Variants in TMEM267 observed in about 807,000 individuals in gnomAD.
TMEM267 encodes the protein transmembrane protein C5orf28.
In TMEM267, 20 loss-of-function variants were observed where a neutral mutation model predicts 19.3. That is an observed-to-expected ratio of 1.04 (90% confidence interval 0.73 to 1.51). The LOEUF (loss-of-function observed/expected upper bound fraction) is 1.51, where lower values mean the gene tolerates loss of function less well. Among genes scored for constraint, TMEM267 ranks in the 40% most tolerant of loss-of-function variants. The pLI is 0.00. For synonymous variants in TMEM267, 88 were observed against 90.3 expected, an observed-to-expected ratio of 0.97 and a Z score of 0.15; for missense variants, 242 against 261.9, an observed-to-expected ratio of 0.92 and a Z score of 0.52.
chr5:43,465,736 T>C (rs1252278416), intron 1 of TMEM267, among the ~76,000 whole-genome samples: 1 of 152,036 alleles, frequency 6.6e-6, no homozygotes, highest in Non-Finnish European at 1.5e-5. Context: ...TTCTCACTCA[T>C]AGGTGGGAAC....
chr5:43,447,341 T>C (rs1046670613), intron 2 of TMEM267, among the ~76,000 whole-genome samples: 2 of 152,078 alleles, frequency 1.3e-5, no homozygotes, highest in Admixed American at 1.3e-4. Context: ...CCACCCACCT[T>C]GGCCTCCCAA....
intron 1 of TMEM267, among the ~76,000 whole-genome samples, chr5:43,473,763 T>G (rs1415409715): frequency 6.6e-6 from 1 of 152,166 alleles, no homozygotes; most frequent in Non-Finnish European, 1.5e-5. Flanking sequence ...AAAACAACTT[T>G]AAATTTCACA....
At chr5:43,456,993 C>T (rs1225869958) in intron 1 of TMEM267, among the ~76,000 whole-genome samples, 7 of 152,044 alleles carry the variant, frequency 4.6e-5, no homozygotes, top group South Asian at 4.1e-4. Context: ...ACTCAAATGT[C>T]CACAAACATG....
intron 2 of TMEM267, among the ~76,000 whole-genome samples, chr5:43,447,996 T>C (rs904376508): frequency 6.6e-6 from 1 of 151,916 alleles, no homozygotes; most frequent in Non-Finnish European, 1.5e-5. Flanking sequence ...GGAAAAGAAG[T>C]AGTAAAAGGA....
chr5:43,475,162 C>T (rs941488846), intron 1 of TMEM267, among the ~76,000 whole-genome samples: 2 of 152,278 alleles, frequency 1.3e-5, no homozygotes, highest in Middle Eastern at 3.4e-3. Flanking sequence ...GAAAATGTGG[C>T]ACATATACAC....
intron 1 of TMEM267, among the ~76,000 whole-genome samples, chr5:43,480,167 C>G (rs1382341479): frequency 6.6e-6 from 1 of 152,122 alleles, no homozygotes; most frequent in African/African-American, 2.4e-5. Flanking sequence ...TATTCCCCTC[C>G]TTCAATAAAG....
intron 1 of TMEM267, among the ~76,000 whole-genome samples, chr5:43,474,518 G>A (rs1321052000): frequency 6.6e-6 from 1 of 152,160 alleles, no homozygotes; most frequent in Non-Finnish European, 1.5e-5. Context: ...CCAGCACTTT[G>A]GGAGGCTGAG....
At position 43,446,192 on chromosome 5, in the gene TMEM267, C is replaced by A. The variant is rs776806383; in HGVS notation, c.*30G>T. 4.4e-6 allele frequency: 6 copies of A among 1,373,562 alleles called. No individual in the cohort carries two copies. The East Asian group carries it at 1.4e-4, about 32-fold the overall frequency. 85.1% of individuals were successfully genotyped at this position (1,373,562 alleles called of 1,614,324 possible). On this transcript the variant is annotated 3_prime_UTR_variant, in exon 3 of 3. Transcript: ENST00000397080. ...CTACTCTTAATTATCATCATCTGAG[C>A]CATTTGCTTCTCTAAGACTGCCGTG... is the stretch of plus-strand genomic sequence containing the variant.
rs1455703702 is a variant in TMEM267 at position 43,453,681 on chromosome 5, G to GA, written c.288dup (p.Leu97SerfsTer118). The GA allele has an allele frequency of 7.4e-6, 12 of 1,613,694 alleles. No homozygotes were observed. In the Admixed American group the frequency reaches 1.5e-4, roughly 20 times the overall value. On this transcript the variant is annotated frameshift_variant, in exon 2 of 3. Coordinates refer to ENST00000397080, the MANE Select transcript of TMEM267 (RefSeq NM_022483.5). LOFTEE classifies it high-confidence loss of function. ...ACCTTTAAAGACATGGATCCAGCTAGAAAAAAGTGGTCTACATCAATAACA... is the reference window on the plus strand; with the variant it reads ...ACCTTTAAAGACATGGATCCAGCTAGAAAAAAAGTGGTCTACATCAATAACA...
chr5:43,478,136 C>A (rs531096921), intron 1 of TMEM267, among the ~76,000 whole-genome samples: 1 of 152,110 alleles, frequency 6.6e-6, no homozygotes, highest in Non-Finnish European at 1.5e-5. Flanking sequence ...CTGTCCATAT[C>A]GGTAATCACT....
chr5:43,460,434 A>G (rs1419431694), intron 1 of TMEM267, among the ~76,000 whole-genome samples: 3 of 152,034 alleles, frequency 2.0e-5, no homozygotes, highest in East Asian at 1.9e-4. Flanking sequence ...ATCCCCAAAC[A>G]CAAGTTAACA....
At chr5:43,480,749 A>T (rs979652329) in intron 1 of TMEM267, among the ~76,000 whole-genome samples, 4 of 151,664 alleles carry the variant, frequency 2.6e-5, no homozygotes, top group Admixed American at 2.6e-4. Context: ...TTCACTCATG[A>T]AGCAATTTTT....
intron 1 of TMEM267, among the ~76,000 whole-genome samples, chr5:43,473,139 C>CAAAAAAAAA (rs71610311): frequency 4.7e-5 from 4 of 84,460 alleles, no homozygotes; most frequent in East Asian, 4.9e-4. Flanking sequence ...CTCCGTGTCA[C>CAAAAAAAAA]AAAAAAAAAA....
At position 43,453,922 on chromosome 5, in the gene TMEM267, G is replaced by A. The variant is rs1742772347; in HGVS notation, c.48C>T (p.Ser16=). ...EKTHALLQTC[S]TESLISSLGL... ...CAAGGCTGGAAATAAGAGATTCAGT[G>A]CTACAAGTCTGCAGTAAAGCATGGG... The change falls in exon 2 of 3, where the codon AGC becomes AGT. Residue 16 remains serine, a synonymous_variant. Coordinates refer to ENST00000397080, the MANE Select transcript of TMEM267 (RefSeq NM_022483.5). The A allele has an allele frequency of 6.2e-7, 1 of 1,613,962 alleles. No individual in the cohort carries two copies. The highest frequency in any genetic ancestry group is 1.3e-5 in the African/African-American group (1 of 74,926).
chr5:43,476,960 G>A (rs1744462470), intron 1 of TMEM267, among the ~76,000 whole-genome samples: 1 of 151,172 alleles, frequency 6.6e-6, no homozygotes, highest in South Asian at 2.1e-4. Context: ...GGGAGGCCAA[G>A]GCAGGAGGAT....
At chr5:43,449,889 A>G (rs1742476792) in intron 2 of TMEM267, among the ~76,000 whole-genome samples, 2 of 152,018 alleles carry the variant, frequency 1.3e-5, no homozygotes, top group Admixed American at 6.6e-5. Flanking sequence ...GATTCTTTAC[A>G]CTCTTATTTG....
chr5:43,468,710 A>C (rs1018372522), intron 1 of TMEM267, among the ~76,000 whole-genome samples: 1 of 152,222 alleles, frequency 6.6e-6, no homozygotes, highest in African/African-American at 2.4e-5. Flanking sequence ...ACAAGACTTA[A>C]TCTGCACTGC....
At chr5:43,464,221 T>C (rs899690467) in intron 1 of TMEM267, among the ~76,000 whole-genome samples, 2 of 151,946 alleles carry the variant, frequency 1.3e-5, no homozygotes, top group East Asian at 1.9e-4. Context: ...TCAAAGAGAA[T>C]AAAATACCTA....
At chr5:43,467,081 G>C (rs1441557353) in intron 1 of TMEM267, among the ~76,000 whole-genome samples, 1 of 150,502 alleles carries the variant, frequency 6.6e-6, no homozygotes, top group African/African-American at 2.4e-5. Context: ...CCTGGGAAGT[G>C]GGGGTTGCAG....
Sources: gnomAD v4.1 joint callset for allele counts (sites outside exome capture counted in the v4.1 genomes callset) on GRCh38, gnomAD v4.1.1 for gene constraint, MANE v1.5 for transcripts, NCBI Gene and HGNC (gene_info 2026-07-23, HGNC 2026-07-21) for gene names.